The following UBE2W variants were observed in gnomAD, a reference collection of about 807,000 sequenced individuals.
UBE2W encodes ubiquitin-conjugating enzyme E2 W.
Under a neutral mutation model 27.2 loss-of-function variants are expected in UBE2W, and 18 were observed. The observed-to-expected ratio is 0.66, with a 90% confidence interval of 0.46 to 0.98. The LOEUF is 0.98. UBE2W is among the 50% of genes least tolerant of loss of function. The pLI is 0.00. For synonymous variants in UBE2W, 53 were observed against 57.2 expected, an observed-to-expected ratio of 0.93 and a Z score of 0.33; for missense variants, 90 against 180.2, an observed-to-expected ratio of 0.50 and a Z score of 2.87.
rs1453342334 is a variant in UBE2W, at chr8:73,792,634, G to T, written c.*1468C>A. ...TTCACTGCAGGATATTTCAAAAAGAGTGCAACAATAAGGCATTAGTAAAAA... is the reference window on the plus strand; with the variant it reads ...TTCACTGCAGGATATTTCAAAAAGATTGCAACAATAAGGCATTAGTAAAAA... On this transcript the variant is annotated 3_prime_UTR_variant, in exon 6 of 6. Coordinates refer to ENST00000602593, the MANE Select transcript of UBE2W (RefSeq NM_018299.6). 5.1e-5 allele frequency: 50 copies of T among 985,476 alleles called. No individual in the cohort carries two copies. The highest frequency in any genetic ancestry group is 6.0e-5 in the Non-Finnish European group (50 of 829,736). The allele number at this position is 985,476 out of a possible 1,614,324, so 61.0% of individuals were successfully genotyped here. A position where few individuals can be genotyped will look rare whatever the true frequency, so the allele number is the denominator to read the frequency against.
In UBE2W at chr8:73,786,681, G is replaced by A; in HGVS notation, c.*7421C>T. Reference sequence around the variant, plus strand: ...TGCTACTGCTTATGAAACAAGGTTTGTGGACAGCTGAAGAGCAGCCTAGGG... The same window carrying A: ...TGCTACTGCTTATGAAACAAGGTTTATGGACAGCTGAAGAGCAGCCTAGGG... On this transcript the variant is annotated 3_prime_UTR_variant, in exon 6 of 6. Transcript: ENST00000602593. 1.0e-6 allele frequency: 1 copy of A among 985,460 alleles called. No homozygotes were observed. The highest frequency in any genetic ancestry group is 1.2e-6 in the Non-Finnish European group (1 of 829,956). 61.0% of individuals were successfully genotyped at this position (985,460 alleles called of 1,614,324 possible). A position where few individuals can be genotyped will look rare whatever the true frequency, so the allele number is the denominator to read the frequency against.
chr8:73,838,366 A>T (rs1810395439), intron 1 of UBE2W, among the ~76,000 whole-genome samples: 1 of 152,168 alleles, frequency 6.6e-6, no homozygotes, highest in South Asian at 2.1e-4. Context: ...GGAATGCCAG[A>T]TCTGTATGTC....
intron 5 of UBE2W, chr8:73,795,735 A>G (rs1006580557): frequency 6.9e-5 from 65 of 939,992 alleles, no homozygotes; most frequent in Admixed American, 3.7e-4. Context: ...CTTAAAATAA[A>G]TAAGAATAGT....
chr8:73,804,442 GTTAGT>G (rs149995185), intron 5 of UBE2W, among the ~76,000 whole-genome samples: 1,523 of 152,104 alleles, frequency 0.01, 19 homozygotes, highest in African/African-American at 0.034. Context: ...AAGCATTAAG[GTTAGT>G]TTAGAAATAC....
At chr8:73,844,675 C>T (rs1394614097) in intron 1 of UBE2W, among the ~76,000 whole-genome samples, 1 of 151,228 alleles carries the variant, frequency 6.6e-6, no homozygotes, top group Non-Finnish European at 1.5e-5. Flanking sequence ...CGCCTCTTCC[C>T]GGCCGTCATC....
intron 1 of UBE2W, among the ~76,000 whole-genome samples, chr8:73,857,999 C>A (rs1811375823): frequency 6.6e-6 from 1 of 151,848 alleles, no homozygotes; most frequent in Non-Finnish European, 1.5e-5. Flanking sequence ...CTAAGGCAGG[C>A]GGATCACCTG....
chr8:73,801,391 T>C (rs1808637495), intron 5 of UBE2W, among the ~76,000 whole-genome samples: 1 of 152,202 alleles, frequency 6.6e-6, no homozygotes, highest in Non-Finnish European at 1.5e-5. Context: ...GAGAGGGTTG[T>C]ACTTTAAAAA....
rs1808130171 is a variant in UBE2W, at chr8:73,790,123, T to C, written c.*3979A>G. On this transcript the variant is annotated 3_prime_UTR_variant, in exon 6 of 6. Transcript: ENST00000602593. ...TTTATTTGTAGGAGAGCATTTTAAA[T>C]TTTTCAAAAATTCATGGCATAATTT... is the stretch of plus-strand genomic sequence containing the variant. 1 of 984,942 alleles carries C rather than the reference T, an allele frequency of 1.0e-6. No individual in the cohort carries two copies. The allele number at this position is 984,942 out of a possible 1,614,324, so 61.0% of individuals were successfully genotyped here. A position where few individuals can be genotyped will look rare whatever the true frequency, so the allele number is the denominator to read the frequency against.
intron 1 of UBE2W, among the ~76,000 whole-genome samples, chr8:73,845,128 G>C (rs539994463): frequency 6.6e-6 from 1 of 152,110 alleles, no homozygotes; most frequent in Non-Finnish European, 1.5e-5. Flanking sequence ...GCCCCGTCTG[G>C]GAGGTGGTGG....
At chr8:73,796,776 G>A (rs1005215604) in intron 5 of UBE2W, 3 of 438,500 alleles carry the variant, frequency 6.8e-6, no homozygotes, top group African/African-American at 2.1e-5. Context: ...TTCTAAATAG[G>A]ATGGCCATAA....
At chr8:73,823,911 TGTTTA>T (rs1434342783) in intron 3 of UBE2W, among the ~76,000 whole-genome samples, 1 of 152,228 alleles carries the variant, frequency 6.6e-6, no homozygotes, top group Admixed American at 6.5e-5. Context: ...TTTGGTATAT[TGTTTA>T]AAGTGACAAT....
intron 4 of UBE2W, among the ~76,000 whole-genome samples, chr8:73,808,170 T>C (rs1311403687): frequency 1.3e-5 from 2 of 152,230 alleles, no homozygotes; most frequent in Non-Finnish European, 2.9e-5. Flanking sequence ...TAGAACCATG[T>C]CCACTACGGA....
At chr8:73,866,536 T>C (rs561874394) in intron 1 of UBE2W, among the ~76,000 whole-genome samples, 35 of 151,334 alleles carry the variant, frequency 2.3e-4, no homozygotes, top group Non-Finnish European at 3.5e-4. Context: ...CTACATTATA[T>C]GCAAAAATGA....
Position 73,791,689 on chromosome 8 carries a change from T to C in UBE2W, c.*2413A>G, listed in dbSNP as rs1466302881. The C allele has an allele frequency of 1.0e-6, 1 of 985,138 alleles. No individual in the cohort carries two copies. The highest frequency in any genetic ancestry group is 1.1e-4 in the East Asian group (1 of 8,822). The allele number at this position is 985,138 out of a possible 1,614,324, so 61.0% of individuals were successfully genotyped here. On this transcript the variant is annotated 3_prime_UTR_variant, in exon 6 of 6. Transcript: ENST00000602593. ...TCTAAGTGCAAGGAGTTTTCAATGA[T>C]TCCTAAATTCAAGAGAGTGTTGTTA...
At position 73,870,392 on chromosome 8, in the gene UBE2W, G is replaced by GAA. The variant is rs573042877; in HGVS notation, c.15+8414_15+8415dup. 8.6e-4 allele frequency: 736 copies of GAA among 855,350 alleles called. 1 individual carries two copies. The highest frequency in any genetic ancestry group is 3.2e-3 in the African/African-American group (158 of 48,898). The allele number at this position is 855,350 out of a possible 1,614,324, so 53.0% of individuals were successfully genotyped here. On this transcript the variant is annotated intron_variant, in intron 1 of 5. Transcript: ENST00000602593. ...TAGCTAGTGCAGGGACTAGAAATCA[G>GAA]AAAAAAAAAAAAGACAAAAGCATCT...
Position 73,788,574 on chromosome 8 carries a change from T to C in UBE2W, c.*5528A>G. The C allele has an allele frequency of 7.1e-6, 7 of 985,436 alleles. No homozygotes were observed. The South Asian group carries it at 3.3e-4, about 46-fold the overall frequency. 61.0% of individuals were successfully genotyped at this position (985,436 alleles called of 1,614,324 possible). A position where few individuals can be genotyped will look rare whatever the true frequency, so the allele number is the denominator to read the frequency against. On this transcript the variant is annotated 3_prime_UTR_variant, in exon 6 of 6. Transcript: ENST00000602593. The stretch of plus-strand genomic sequence containing the variant: ...GCATTTTCATGGTATCTGACACAAT[T>C]TACCAAGTTCCTTATGGTAGATTTC...
At chr8:73,861,154 T>C (rs1447714696) in intron 1 of UBE2W, among the ~76,000 whole-genome samples, 3 of 151,984 alleles carry the variant, frequency 2.0e-5, no homozygotes, top group African/African-American at 7.3e-5. Context: ...AAATTCAACA[T>C]AAAAAGTCAC....
chr8:73,822,053 C>G (rs995119853), intron 3 of UBE2W, among the ~76,000 whole-genome samples: 2 of 152,130 alleles, frequency 1.3e-5, no homozygotes, highest in Non-Finnish European at 2.9e-5. Flanking sequence ...AACTACAAAT[C>G]GTTCTTCAAA....
chr8:73,850,827 T>A (rs1811046246), intron 1 of UBE2W, among the ~76,000 whole-genome samples: 1 of 151,906 alleles, frequency 6.6e-6, no homozygotes, highest in Admixed American at 6.6e-5. Flanking sequence ...AAATATTCTT[T>A]AAAATATTCA....
Sources: allele counts gnomAD v4.1 joint callset (sites outside exome capture counted in the v4.1 genomes callset), GRCh38; gene constraint gnomAD v4.1.1; transcripts MANE v1.5; gene names NCBI Gene and HGNC (gene_info 2026-07-23, HGNC 2026-07-21).